SLC12A6: variants seen among roughly 807,000 people sequenced by gnomAD.
SLC12A6 encodes the protein solute carrier family 12 member 6, also known as K-Cl cotransporter 3.
Under a neutral mutation model 135.3 loss-of-function variants are expected in SLC12A6, and 66 were observed. The observed-to-expected ratio is 0.49, with a 90% confidence interval of 0.40 to 0.60. SLC12A6 has a LOEUF of 0.60. SLC12A6 is among the 20% of genes least tolerant of loss of function. The probability of loss-of-function intolerance (pLI) is 0.00; values close to 1 mark genes in which losing one functional copy is unlikely to be tolerated. For missense variants in SLC12A6, 1,058 were observed against 1,452.3 expected (o/e 0.73, Z 4.41); for synonymous variants, 513 against 508.8 (o/e 1.01, Z -0.11).
At chr15:34,265,235 A>G (rs1401913362) in intron 3 of SLC12A6, among the ~76,000 whole-genome samples, 3 of 152,156 alleles carry the variant, frequency 2.0e-5, no homozygotes, top group Admixed American at 6.5e-5. Flanking sequence ...ACCACTTCTG[A>G]GTAATTCATT....
rs776374992 is a variant in SLC12A6 at position 34,336,440 on chromosome 15, G to C, written c.241C>G (p.Arg81Gly). The C allele has an allele frequency of 6.2e-7, 1 of 1,613,762 alleles. No homozygotes were observed. Among genetic ancestry groups the C allele is most frequent in the Non-Finnish European group, 8.5e-7 (1 of 1,179,688 alleles). Residue 81 changes from arginine to glycine, a missense_variant, in exon 2 of 26, where the codon CGG (arginine) becomes GGG (glycine). By Grantham distance (125) the Arg-to-Gly change is moderately radical. This residue lies in a region of SLC12A6 where 176 missense variants were observed against 168.9 expected (regional missense o/e 1.04). Transcript: ENST00000354181. ...ATVALDPPSD[R>G]TSHPQDVIED... The stretch of plus-strand genomic sequence containing the variant: ...ATGACATCCTGGGGGTGAGAAGTCC[G>C]GTCACTGGGTGGATCCAGTGCAACA...
chr15:34,272,038 C>T (rs1015247992), intron 3 of SLC12A6, among the ~76,000 whole-genome samples: 1 of 151,882 alleles, frequency 6.6e-6, no homozygotes, highest in Non-Finnish European at 1.5e-5. Flanking sequence ...TGCAGTGGTG[C>T]GATCTTGGCT....
intron 19 of SLC12A6, among the ~76,000 whole-genome samples, chr15:34,240,294 G>A (rs998608117): frequency 3.3e-5 from 5 of 152,152 alleles, no homozygotes; most frequent in Admixed American, 6.5e-5. Context: ...TTAGTAAAGA[G>A]GAAGAAAATT....
intron 14 of SLC12A6, 124 bp from the exon 15 acceptor site, chr15:34,245,527 C>T: frequency 2.3e-6 from 2 of 881,760 alleles, no homozygotes; most frequent in Non-Finnish European, 3.9e-6. Flanking sequence ...TTTTAAATAC[C>T]TTTACAGCAC....
chr15:34,270,970 G>C (rs1893888271), intron 3 of SLC12A6, among the ~76,000 whole-genome samples: 1 of 152,034 alleles, frequency 6.6e-6, no homozygotes, highest in South Asian at 2.1e-4. Flanking sequence ...AGTGCAAGGA[G>C]GGGAAATGCG....
intron 2 of SLC12A6, among the ~76,000 whole-genome samples, chr15:34,284,970 G>C (rs1218015478): frequency 5.9e-5 from 9 of 152,232 alleles, no homozygotes; most frequent in Non-Finnish European, 1.2e-4. Flanking sequence ...TGGCAGCAAG[G>C]AGACCGGATT....
intron 2 of SLC12A6, among the ~76,000 whole-genome samples, chr15:34,295,972 C>T (rs1368741346): frequency 6.6e-6 from 1 of 152,156 alleles, no homozygotes; most frequent in Non-Finnish European, 1.5e-5. Context: ...TGTACTCCAG[C>T]CTGGGTGACA....
chr15:34,258,237 A>C (rs1461148328), intron 5 of SLC12A6, among the ~76,000 whole-genome samples: 1 of 152,206 alleles, frequency 6.6e-6, no homozygotes, highest in East Asian at 1.9e-4. Context: ...CCTTTTTGAA[A>C]GGGCTGAACA....
intron 2 of SLC12A6, among the ~76,000 whole-genome samples, chr15:34,282,738 C>T (rs1316748693): frequency 6.6e-6 from 1 of 152,180 alleles, no homozygotes; most frequent in East Asian, 1.9e-4. Context: ...TTCATTCACT[C>T]AGCACTATTT....
chr15:34,304,429 G>A (rs347850), intron 2 of SLC12A6, among the ~76,000 whole-genome samples: 8,664 of 152,188 alleles, frequency 0.057, 789 homozygotes, highest in African/African-American at 0.2. Context: ...GGGACATATG[G>A]TAATTCTATG....
chr15:34,235,664 C>T (rs1891212342), intron 24 of SLC12A6, among the ~76,000 whole-genome samples: 1 of 152,110 alleles, frequency 6.6e-6, no homozygotes, highest in Non-Finnish European at 1.5e-5. Context: ...TCTCGAACTC[C>T]TGACCTCAGG....
Position 34,243,187 on chromosome 15 carries a change from C to T in SLC12A6, c.2042+787G>A, listed in dbSNP as rs143409821. On this transcript the variant is annotated intron_variant, in intron 16 of 25. Coordinates refer to ENST00000354181, the MANE Select transcript of SLC12A6 (RefSeq NM_001365088.1). ...GATTACAGGCATGAGCCACCACGCC[C>T]GGCCTCATAAAGAACTTCTAACTAA... Among the ~76,000 whole-genome samples the T allele has an allele frequency of 1.9e-4, 29 of 152,242 alleles. No homozygotes were observed. In the East Asian group the frequency reaches 3.5e-3, roughly 18 times the overall value.
chr15:34,280,825 T>C (rs1392302411), intron 2 of SLC12A6, among the ~76,000 whole-genome samples: 1 of 152,190 alleles, frequency 6.6e-6, no homozygotes, highest in Non-Finnish European at 1.5e-5. Flanking sequence ...GTGGTATGTA[T>C]ATACAATGGA....
At chr15:34,241,476 G>GT (rs1891637441) in intron 17 of SLC12A6, 139 bp from the exon 18 acceptor site, 1 of 643,374 alleles carries the variant, frequency 1.6e-6, no homozygotes, top group African/African-American at 1.8e-5. Flanking sequence ...TTTACATAAT[G>GT]TTCTTTACTA....
intron 2 of SLC12A6, among the ~76,000 whole-genome samples, chr15:34,307,429 CTGCAAGAATA>C (rs1166652154): frequency 3.3e-5 from 5 of 152,158 alleles, no homozygotes. Context: ...TACAGTGTTA[CTGCAAGAATA>C]TTTGACTGCT....
intron 2 of SLC12A6, among the ~76,000 whole-genome samples, chr15:34,308,447 A>G (rs1435626436): frequency 6.6e-6 from 1 of 152,090 alleles, no homozygotes; most frequent in Non-Finnish European, 1.5e-5. Flanking sequence ...CAACATGGTG[A>G]AACCCTGTCT....
Position 34,252,345 on chromosome 15 carries a change from G to A in SLC12A6, c.1158C>T (p.His386=). The change falls in exon 10 of 26, where the codon CAC becomes CAT. Residue 386 remains histidine (H), a synonymous_variant. Coordinates refer to ENST00000354181, the MANE Select transcript of SLC12A6 (RefSeq NM_001365088.1). ...MLGNRTLSSR[H]IDVCSKTKEI... is the part of the protein sequence containing the mutation. ...CCTTGGTCTTAGAGCAAACGTCAAT[G>A]TGTCTTGATGAAAGGGTGCGGTTAC... 1 of 1,612,814 alleles carries A rather than the reference G, an allele frequency of 6.2e-7. No individual in the cohort carries two copies.
At chr15:34,257,922 A>C (rs1405486670) in intron 5 of SLC12A6, 134 bp from the exon 6 acceptor site, 2 of 650,944 alleles carry the variant, frequency 3.1e-6, no homozygotes, top group Admixed American at 4.8e-5. Context: ...CAATACCTTC[A>C]AAAGGGCACA....
Position 34,254,372 on chromosome 15 carries a change from G to C in SLC12A6, c.1094C>G (p.Ser365Cys). 1 of 1,613,730 alleles carries C rather than the reference G, an allele frequency of 6.2e-7. No homozygotes were observed. Among genetic ancestry groups the C allele is most frequent in the Non-Finnish European group, 8.5e-7 (1 of 1,179,628 alleles). Reference protein sequence around the residue: ...ILAIYAGAIKSSFAPPHFPVC... With the variant: ...ILAIYAGAIKCSFAPPHFPVC... ...CGGGAAGTGTGGAGGAGCAAAAGAA[G>C]ACTTGATGGCTCCAGCATAGATGGC... The change falls in exon 9 of 26, where the codon TCT becomes TGT. Residue 365 changes from serine (S) to cysteine (C), a missense_variant. Around this residue, in one of 6 missense-constraint regions of SLC12A6, gnomAD observed 297 missense variants for 318.5 expected, o/e 0.93. Transcript: ENST00000354181.
Sources: gnomAD v4.1 joint callset for allele counts (sites outside exome capture counted in the v4.1 genomes callset) on GRCh38, gnomAD v4.1.1 for gene constraint, gnomAD v4.1.1 regional missense constraint, MANE v1.5 for transcripts, NCBI Gene and HGNC (gene_info 2026-07-23, HGNC 2026-07-21) for gene names.